MAST4: variants seen among roughly 807,000 people sequenced by gnomAD.
MAST4 encodes microtubule-associated serine/threonine-protein kinase 4.
Under a neutral mutation model 162.7 loss-of-function variants are expected in MAST4, and 89 were observed. The observed-to-expected ratio is 0.55, with a 90% CI of 0.46 to 0.65. The LOEUF (loss-of-function observed/expected upper bound fraction) is 0.65, where lower values mean the gene tolerates loss of function less well. Among genes scored for constraint, MAST4 ranks in the 30% least tolerant of loss-of-function variants. The pLI is 0.00. For missense variants in MAST4, 3,153 were observed against 3,374.0 expected (o/e 0.93, Z 1.62); for synonymous variants, 1,479 against 1,361.1 (o/e 1.09, Z -1.91).
chr5:67,063,319 A>G (rs1295178638), intron 5 of MAST4, among the ~76,000 whole-genome samples: 1 of 152,190 alleles, frequency 6.6e-6, no homozygotes, highest in Non-Finnish European at 1.5e-5. Flanking sequence ...GTGTCAAGTC[A>G]ATAATCGGGT....
At chr5:66,850,785 G>C (rs570653081) in intron 3 of MAST4, among the ~76,000 whole-genome samples, 2 of 151,984 alleles carry the variant, frequency 1.3e-5, no homozygotes, top group Non-Finnish European at 2.9e-5. Context: ...TACTTAACCT[G>C]TATACTTTTT....
At chr5:66,840,178 T>G (rs1030620435) in intron 3 of MAST4, among the ~76,000 whole-genome samples, 2 of 152,164 alleles carry the variant, frequency 1.3e-5, no homozygotes, top group African/African-American at 4.8e-5. Context: ...ATTGGAAATT[T>G]TAAAATGAAA....
chr5:67,090,062 T>A, intron 5 of MAST4, 100 bp from the exon 6 acceptor site: 1 of 852,330 alleles, frequency 1.2e-6, no homozygotes, highest in Non-Finnish European at 1.8e-6. Flanking sequence ...AAGGACATTC[T>A]ACAGAAATGT....
intron 5 of MAST4, among the ~76,000 whole-genome samples, chr5:67,076,812 T>A (rs1761707080): frequency 6.6e-6 from 1 of 152,184 alleles, no homozygotes; most frequent in African/African-American, 2.4e-5. Context: ...GGGAGTATAG[T>A]GGTTATTAAA....
chr5:66,600,965 G>A (rs1742513984), intron 1 of MAST4, among the ~76,000 whole-genome samples: 1 of 152,202 alleles, frequency 6.6e-6, no homozygotes. Flanking sequence ...GTATAAGTTA[G>A]GAAATGGTTT....
Position 67,164,222 on chromosome 5 carries a change from C to T in MAST4, c.5043C>T (p.Ser1681=). The T allele has an allele frequency of 1.2e-6, 2 of 1,613,702 alleles. No homozygotes were observed. Among genetic ancestry groups the T allele is most frequent in the Non-Finnish European group, 8.5e-7 (1 of 1,179,770 alleles). Residue 1681 remains serine, a synonymous_variant, in exon 29 of 29, where the codon AGC becomes AGT. Transcript: ENST00000403625. The surrounding 1 kb of genome is among the most constrained non-coding windows in gnomAD (Gnocchi z 5.3). ...KELLRCEKLD[S]KLANIDYLRK... ...TTCTCCGATGTGAAAAGTTAGACAGCAAGCTGGCCAACATCGATTACCTCC... is the reference window on the plus strand; with the variant it reads ...TTCTCCGATGTGAAAAGTTAGACAGTAAGCTGGCCAACATCGATTACCTCC...
chr5:67,005,659 T>G (rs1361631998), intron 4 of MAST4, among the ~76,000 whole-genome samples: 1 of 152,180 alleles, frequency 6.6e-6, no homozygotes, highest in Non-Finnish European at 1.5e-5. Context: ...TAACGTATAT[T>G]TGATAGAAAA....
At chr5:67,158,031 C>G (rs527664083) in intron 26 of MAST4, among the ~76,000 whole-genome samples, 3 of 152,292 alleles carry the variant, frequency 2.0e-5, no homozygotes, top group African/African-American at 7.2e-5. Flanking sequence ...CGTCCACTCT[C>G]TGCATATGGA....
chr5:66,604,791 C>G (rs1187943752), intron 1 of MAST4, among the ~76,000 whole-genome samples: 1 of 152,176 alleles, frequency 6.6e-6, no homozygotes, highest in East Asian at 1.9e-4. Flanking sequence ...AGGCATTTCT[C>G]CATACAGAGA....
chr5:66,976,839 T>C (rs889457672), intron 4 of MAST4, among the ~76,000 whole-genome samples: 1 of 151,882 alleles, frequency 6.6e-6, no homozygotes, highest in Admixed American at 6.5e-5. Context: ...AGTTTGAGAT[T>C]AAATAGAATA....
At chr5:66,739,709 T>A (rs557986884) in intron 1 of MAST4, among the ~76,000 whole-genome samples, 6 of 152,148 alleles carry the variant, frequency 3.9e-5, no homozygotes, top group Non-Finnish European at 8.8e-5. Flanking sequence ...ACACCGGGAT[T>A]CAGAGCAGGC....
rs1230619144 is a variant in MAST4 at position 67,069,313 on chromosome 5, A to ATATATATATATATATATATATATATAT, written c.763+14821_763+14822insTATATATATATATATATATATATATAT. 7.2e-4 allele frequency among the ~76,000 whole-genome samples: 47 copies of ATATATATATATATATATATATATATAT among 65,304 alleles called. 1 individual carries two copies. The highest frequency in any genetic ancestry group is 1.3e-3 in the South Asian group (3 of 2,306). 42.8% of individuals were successfully genotyped at this position (65,304 alleles called of 152,430 possible). On this transcript the variant is annotated intron_variant, in intron 5 of 28. Transcript: ENST00000403625. Reference sequence around the variant, plus strand: ...ATATATATATATATATATATATATAAAATTTTAAAATATTCCTTCTAAGGC... The same window carrying ATATATATATATATATATATATATATAT: ...ATATATATATATATATATATATATAATATATATATATATATATATATATATATAATTTTAAAATATTCCTTCTAAGGC...
At chr5:66,976,829 A>T (rs2150221950) in intron 4 of MAST4, among the ~76,000 whole-genome samples, 1 of 152,256 alleles carries the variant, frequency 6.6e-6, no homozygotes, top group Admixed American at 6.5e-5. Flanking sequence ...TATTTAGCTC[A>T]GTTTGAGATT....
At chr5:66,655,734 C>T (rs1442046097) in intron 1 of MAST4, among the ~76,000 whole-genome samples, 1 of 152,136 alleles carries the variant, frequency 6.6e-6, no homozygotes, top group African/African-American at 2.4e-5. Context: ...TCTACTCTTA[C>T]TCATGCATCA....
At chr5:66,915,631 G>A (rs926225079) in intron 4 of MAST4, among the ~76,000 whole-genome samples, 3 of 152,186 alleles carry the variant, frequency 2.0e-5, no homozygotes, top group African/African-American at 7.2e-5. Context: ...CTAACTCAAA[G>A]TGATTGGAGG....
chr5:66,906,621 T>C (rs1040581955), intron 4 of MAST4, among the ~76,000 whole-genome samples: 1 of 152,184 alleles, frequency 6.6e-6, no homozygotes, highest in Non-Finnish European at 1.5e-5. Context: ...GGTACCTCAC[T>C]GAAATGTATG....
chr5:67,124,063 C>A (rs1199283089), intron 14 of MAST4, among the ~76,000 whole-genome samples: 1 of 152,296 alleles, frequency 6.6e-6, no homozygotes, highest in Middle Eastern at 3.4e-3. Flanking sequence ...AGGGCTGATT[C>A]ATTCTGCTCT....
At chr5:67,121,943 C>A (rs1767646608) in intron 14 of MAST4, among the ~76,000 whole-genome samples, 1 of 151,890 alleles carries the variant, frequency 6.6e-6, no homozygotes, top group Non-Finnish European at 1.5e-5. Flanking sequence ...AGCTCACTCA[C>A]TGCAGCCTTT....
chr5:66,967,755 A>G (rs1225770750), intron 4 of MAST4, among the ~76,000 whole-genome samples: 1 of 147,948 alleles, frequency 6.8e-6, no homozygotes, highest in Non-Finnish European at 1.5e-5. Context: ...CACTTTGTCT[A>G]CAAACTAAAT....
Sources: allele counts gnomAD v4.1 joint callset (sites outside exome capture counted in the v4.1 genomes callset), GRCh38; gene constraint gnomAD v4.1.1; non-coding constraint Gnocchi (gnomAD v3.1); transcripts MANE v1.5; gene names NCBI Gene and HGNC (gene_info 2026-07-23, HGNC 2026-07-21).